GDPD5: variants seen among roughly 807,000 people sequenced by gnomAD.
The protein encoded by GDPD5 is glycerophosphodiester phosphodiesterase domain containing 5, also known as glycerophosphodiester phosphodiesterase 2.
In GDPD5, 48 loss-of-function variants were observed where a neutral mutation model predicts 75.1. The observed-to-expected ratio is 0.64, with a 90% CI of 0.51 to 0.81. GDPD5 has a LOEUF of 0.81. Among genes scored for constraint, GDPD5 ranks in the 40% least tolerant of loss-of-function variants. The pLI is 0.00. For missense variants in GDPD5, 706 were observed against 822.6 expected (o/e 0.86, Z 1.73); for synonymous variants, 336 against 339.0 (o/e 0.99, Z 0.10).
intron 3 of GDPD5, among the ~76,000 whole-genome samples, chr11:75,468,126 A>G (rs1592101290): frequency 6.6e-6 from 1 of 152,128 alleles, no homozygotes; most frequent in African/African-American, 2.4e-5. Flanking sequence ...GGCCCCTGCC[A>G]CTGTAGACTG....
intron 6 of GDPD5, among the ~76,000 whole-genome samples, chr11:75,453,138 G>A (rs915283017): frequency 1.3e-5 from 2 of 152,074 alleles, no homozygotes; most frequent in Admixed American, 1.3e-4. Context: ...ACACTCACCT[G>A]GGAGAGATTT....
Position 75,449,000 on chromosome 11 carries a change from T to C in GDPD5, c.691A>G (p.Ile231Val), listed in dbSNP as rs1379749275. 6.3e-7 allele frequency: 1 copy of C among 1,582,178 alleles called. No individual in the cohort carries two copies. Among genetic ancestry groups the C allele is most frequent in the Non-Finnish European group, 8.5e-7 (1 of 1,170,572 alleles). Residue 231 changes from isoleucine (I) to valine (V), a missense_variant, in exon 9 of 17, where the codon ATT becomes GTT. Transcript: ENST00000336898. Reference protein sequence around the residue: ...KKDLGPKPALIGHRGAPMLAP... With the variant: ...KKDLGPKPALVGHRGAPMLAP... ...ACCATGGGGGCCCCGCGGTGGCCAA[T>C]GAGAGCAGGCTTGGGGCCGAGGTCT...
intron 1 of GDPD5, among the ~76,000 whole-genome samples, chr11:75,506,270 C>A (rs572880226): frequency 6.6e-6 from 1 of 152,214 alleles, no homozygotes; most frequent in South Asian, 2.1e-4. Context: ...GACACTCCCC[C>A]CAGGAACACT....
chr11:75,504,625 A>C lies in GDPD5; in HGVS notation c.-144-14305T>G, dbSNP rs115072254. On this transcript the variant is annotated intron_variant, in intron 1 of 16. Coordinates refer to ENST00000336898, the MANE Select transcript of GDPD5 (RefSeq NM_030792.8). ...AAAATAGTCAAACTCAGAAACAGAA[A>C]GTGGAATGGTGGGTGCCAGGGGCCA... Among the ~76,000 whole-genome samples, 347 of 152,306 alleles carry C rather than the reference A, an allele frequency of 2.3e-3. 1 individual carries two copies. The highest frequency in any genetic ancestry group is 7.6e-3 in the African/African-American group (315 of 41,560).
intron 9 of GDPD5, among the ~76,000 whole-genome samples, chr11:75,446,304 G>A (rs1948986234): frequency 6.6e-6 from 1 of 152,156 alleles, no homozygotes; most frequent in Admixed American, 6.5e-5. Context: ...TGGAGAAAGA[G>A]ATATGGAAAC....
chr11:75,481,390 T>C (rs1394401661), intron 2 of GDPD5, among the ~76,000 whole-genome samples: 1 of 152,200 alleles, frequency 6.6e-6, no homozygotes, highest in African/African-American at 2.4e-5. Context: ...AGGGGCTTGC[T>C]GGGAATACTG....
At chr11:75,468,934 C>T (rs1051485998) in intron 3 of GDPD5, among the ~76,000 whole-genome samples, 1 of 152,264 alleles carries the variant, frequency 6.6e-6, no homozygotes, top group Non-Finnish European at 1.5e-5. Context: ...ATCACCACCA[C>T]CTCACAGGAG....
Position 75,462,721 on chromosome 11 carries a change from C to T in GDPD5, c.221+65G>A, listed in dbSNP as rs1949440035. On this transcript the variant is annotated intron_variant, in intron 4 of 16. Coordinates refer to ENST00000336898, the MANE Select transcript of GDPD5 (RefSeq NM_030792.8). ...GGAGACAGGCTCTAACTCCAGCCCC[C>T]AGGTCCCAGCTACTGGATACCCAGC... The T allele has an allele frequency of 3.2e-6, 4 of 1,253,924 alleles. No homozygotes were observed. The Admixed American group carries it at 7.6e-5, about 24-fold the overall frequency. The allele number at this position is 1,253,924 out of a possible 1,614,324, so 77.7% of individuals were successfully genotyped here.
At chr11:75,515,843 G>A (rs1387492999) in intron 1 of GDPD5, 2 of 152,394 alleles carry the variant, frequency 1.3e-5, no homozygotes, top group East Asian at 3.9e-4. Flanking sequence ...GGCAGAGAGG[G>A]AGAGATGGGT....
chr11:75,442,299 T>A, intron 12 of GDPD5, 64 bp downstream of exon 12: 2 of 1,255,998 alleles, frequency 1.6e-6, no homozygotes, highest in African/African-American at 1.5e-5. Flanking sequence ...GGAAAGGCTA[T>A]GCAGCAGCAG....
In GDPD5 at chr11:75,462,780, A is replaced by T; in HGVS notation, c.221+6T>A. ...CCTTCCTCCCCCACCCACTGCCCCT[A>T]CTCACCAGTTGAATTCATCATAGTC... On this transcript the variant is annotated splice_donor_region_variant and intron_variant, in intron 4 of 16. Coordinates refer to ENST00000336898, the MANE Select transcript of GDPD5 (RefSeq NM_030792.8). The T allele has an allele frequency of 6.2e-7, 1 of 1,609,786 alleles. No individual in the cohort carries two copies. Among genetic ancestry groups the T allele is most frequent in the African/African-American group, 1.3e-5 (1 of 74,770 alleles).
chr11:75,504,671 G>T (rs1219745149), intron 1 of GDPD5, among the ~76,000 whole-genome samples: 1 of 152,194 alleles, frequency 6.6e-6, no homozygotes, highest in South Asian at 2.1e-4. Context: ...GAGAAATGGG[G>T]AGTAGTTGTG....
intron 15 of GDPD5, chr11:75,439,429 G>A (rs1269579596): frequency 4.5e-6 from 2 of 441,862 alleles, no homozygotes; most frequent in South Asian, 1.6e-5. Flanking sequence ...AGAGCAGGAT[G>A]GGACAGAGAG....
At chr11:75,495,550 T>C (rs1950193393) in intron 1 of GDPD5, among the ~76,000 whole-genome samples, 1 of 152,150 alleles carries the variant, frequency 6.6e-6, no homozygotes, top group African/African-American at 2.4e-5. Flanking sequence ...AGATGTGCAA[T>C]AAATTCAGAC....
At position 75,442,534 on chromosome 11, in the gene GDPD5, T is replaced by C; in HGVS notation, c.996A>G (p.Arg332=). 1 of 1,614,142 alleles carries C rather than the reference T, an allele frequency of 6.2e-7. No individual in the cohort carries two copies. The highest frequency in any genetic ancestry group is 8.5e-7 in the Non-Finnish European group (1 of 1,180,022). The part of the protein sequence containing the change: ...TASSLSPSDH[R]EAQNQSICSL... ...TGCAGATGGACTGGTTCTGGGCCTCTCTGTGGTCGGAGGGTGACAGGGAGC... is the reference window on the plus strand; with the variant it reads ...TGCAGATGGACTGGTTCTGGGCCTCCCTGTGGTCGGAGGGTGACAGGGAGC... The change falls in exon 12 of 17, where the codon AGA becomes AGG. Residue 332 remains arginine (R), a synonymous_variant. Transcript: ENST00000336898.
intron 4 of GDPD5, among the ~76,000 whole-genome samples, chr11:75,461,102 G>A (rs1949401532): frequency 6.6e-6 from 1 of 151,922 alleles, no homozygotes; most frequent in Non-Finnish European, 1.5e-5. Flanking sequence ...CATGTTTTTG[G>A]CACTAACTGG....
intron 1 of GDPD5, among the ~76,000 whole-genome samples, chr11:75,512,903 A>C (rs1950558168): frequency 6.6e-6 from 1 of 152,222 alleles, no homozygotes; most frequent in Admixed American, 6.5e-5. Context: ...GAAAGAAAGA[A>C]AGAAGTCTTT....
chr11:75,473,936 C>T (rs979933891), intron 3 of GDPD5, among the ~76,000 whole-genome samples: 36 of 152,216 alleles, frequency 2.4e-4, no homozygotes, highest in African/African-American at 8.2e-4. Context: ...CCCCCACAAG[C>T]CTGGGGGCCG....
At chr11:75,436,586 G>C (rs1037887743) in intron 16 of GDPD5, among the ~76,000 whole-genome samples, 2 of 151,932 alleles carry the variant, frequency 1.3e-5, no homozygotes, top group Non-Finnish European at 2.9e-5. Flanking sequence ...CAAAGAGCAA[G>C]GGTGAGGCCA....
Sources: gnomAD v4.1 joint callset for allele counts (sites outside exome capture counted in the v4.1 genomes callset) on GRCh38, gnomAD v4.1.1 for gene constraint, MANE v1.5 for transcripts, NCBI Gene and HGNC (gene_info 2026-07-23, HGNC 2026-07-21) for gene names.